The following STK33 variants were observed in gnomAD, a reference collection of about 807,000 sequenced individuals.
The protein encoded by STK33 is serine/threonine-protein kinase 33.
STK33 carries 52 observed loss-of-function variants against 58.0 expected under a neutral mutation model. The observed-to-expected ratio is 0.90, with a 90% CI of 0.72 to 1.13. The LOEUF (loss-of-function observed/expected upper bound fraction) is 1.13, where lower values mean the gene tolerates loss of function less well. STK33 is among the 50% of genes most tolerant of loss of function. The pLI is 0.00. For synonymous variants in STK33, 215 were observed against 200.1 expected, an observed-to-expected ratio of 1.07 and a Z score of -0.63; for missense variants, 630 against 604.2, an observed-to-expected ratio of 1.04 and a Z score of -0.45.
intron 1 of STK33, among the ~76,000 whole-genome samples, chr11:8,588,300 T>C (rs1471280360): frequency 6.6e-6 from 1 of 152,212 alleles, no homozygotes; most frequent in Non-Finnish European, 1.5e-5. Flanking sequence ...GCCAAAGTCC[T>C]GTTAGCAATA....
chr11:8,553,196 ATG>A (rs1565347392), intron 1 of STK33, among the ~76,000 whole-genome samples: 10 of 66,398 alleles, frequency 1.5e-4, no homozygotes, highest in African/African-American at 4.1e-4. Context: ...ATATATATAT[ATG>A]GTGTATATAT....
chr11:8,341,476 CT>C, the STK33 span, among the ~76,000 whole-genome samples: 1 of 152,250 alleles, frequency 6.6e-6, no homozygotes, highest in Non-Finnish European at 1.5e-5. Flanking sequence ...ATCTTCCCCA[CT>C]CAGTGGCTTC....
the STK33 span, among the ~76,000 whole-genome samples, chr11:8,370,375 T>C: frequency 4.9e-4 from 75 of 152,158 alleles, 1 homozygote; most frequent in African/African-American, 1.8e-3. Flanking sequence ...TTTCTTAATT[T>C]TGTGTAGAGA....
chr11:8,408,014 T>A (rs1939564932), intron 15 of STK33, among the ~76,000 whole-genome samples: 1 of 152,048 alleles, frequency 6.6e-6, no homozygotes, highest in South Asian at 2.1e-4. Flanking sequence ...GAAAAAATGA[T>A]CAAAAGTTAA....
the STK33 span, among the ~76,000 whole-genome samples, chr11:8,385,698 C>T: frequency 6.6e-6 from 1 of 152,144 alleles, no homozygotes; most frequent in Admixed American, 6.5e-5. Context: ...GTTTTATATC[C>T]AGCGCCTATC....
At chr11:8,384,480 C>T in the STK33 span, among the ~76,000 whole-genome samples, 1 of 152,212 alleles carries the variant, frequency 6.6e-6, no homozygotes, top group African/African-American at 2.4e-5. Context: ...GGCCTGCCCA[C>T]AGACATCCGG....
chr11:8,534,568 C>CTGTGTG (rs34999243), intron 1 of STK33, among the ~76,000 whole-genome samples: 35 of 104,732 alleles, frequency 3.3e-4, no homozygotes, highest in African/African-American at 1.1e-3. Flanking sequence ...CTCTCTCTCT[C>CTGTGTG]TGTGTGTGTG....
At chr11:8,436,625 G>C (rs968413801) in intron 12 of STK33, among the ~76,000 whole-genome samples, 12 of 152,110 alleles carry the variant, frequency 7.9e-5, no homozygotes, top group Admixed American at 5.2e-4. Context: ...GGCCACCTAA[G>C]GCTTTTATCC....
chr11:8,464,552 C>T (rs923809406), intron 7 of STK33, among the ~76,000 whole-genome samples, 157 bp downstream of exon 7: 6 of 151,944 alleles, frequency 3.9e-5, no homozygotes, highest in Non-Finnish European at 8.8e-5. Flanking sequence ...AGTCCCTTTC[C>T]GGGAGGCTAG....
intron 5 of STK33, among the ~76,000 whole-genome samples, chr11:8,474,246 C>A (rs949208633): frequency 1.1e-4 from 16 of 151,812 alleles, no homozygotes; most frequent in Admixed American, 9.8e-4. Flanking sequence ...GTAACTAATG[C>A]AAACTGATTT....
chr11:8,457,436 T>C lies in STK33; in HGVS notation c.602A>G (p.Lys201Arg), dbSNP rs371394045. The C allele has an allele frequency of 1.5e-5, 24 of 1,606,596 alleles. No individual in the cohort carries two copies. In the African/African-American group the frequency reaches 1.6e-4, roughly 11 times the overall value. Residue 201 changes from lysine to arginine, a missense_variant, in exon 9 of 16, where the codon AAA becomes AGA. Physicochemically the swap from Lys to Arg is conservative, Grantham distance 26 (BLOSUM62 2). Transcript: ENST00000687296. ...ATGCCCTTTCCTATCCAGAATTTCT[T>C]TGAGTTCTCCATCCTCACAAAGCTC... Reference protein sequence around the residue: ...VMELCEDGELKEILDRKGHFS... With the variant: ...VMELCEDGELREILDRKGHFS...
intron 1 of STK33, among the ~76,000 whole-genome samples, chr11:8,489,096 T>C (rs1312396435): frequency 6.6e-6 from 1 of 151,384 alleles, no homozygotes; most frequent in Admixed American, 6.6e-5. Flanking sequence ...CTATCTCTAG[T>C]AATGTAAAGA....
chr11:8,405,272 C>T lies in STK33; in HGVS notation c.1344+8223G>A, dbSNP rs117748897. ...GGACTTGTTAGTTTTTAATTTTGGC[C>T]GTTCTAGAAAGTATGTAGTGATATC... On this transcript the variant is annotated intron_variant, in intron 15 of 15. Coordinates refer to ENST00000687296, the MANE Select transcript of STK33 (RefSeq NM_001352389.2). Among the ~76,000 whole-genome samples, 72 of 152,228 alleles carry T rather than the reference C, an allele frequency of 4.7e-4. No individual in the cohort carries two copies. The East Asian group carries it at 8.9e-3, about 19-fold the overall frequency.
chr11:8,553,206 T>TC (rs1487218944), intron 1 of STK33, among the ~76,000 whole-genome samples: 1 of 96,734 alleles, frequency 1.0e-5, no homozygotes, highest in Non-Finnish European at 2.0e-5. Context: ...ATGGTGTATA[T>TC]ATATATATAT....
chr11:8,582,526 A>T (rs918002965), intron 1 of STK33, among the ~76,000 whole-genome samples: 4 of 152,146 alleles, frequency 2.6e-5, no homozygotes, highest in Non-Finnish European at 5.9e-5. Context: ...CACTTATGAA[A>T]CCATCAGATC....
chr11:8,483,303 T>C lies in STK33; in HGVS notation c.-465-2689A>G, dbSNP rs557273930. On this transcript the variant is annotated intron_variant, in intron 1 of 15. Transcript: ENST00000687296. The stretch of plus-strand genomic sequence containing the variant: ...GTTCCAGATGAATGGAAGGAGGTGG[T>C]TTCAATTTGAAGGCAAGAAAAATAG... Among the ~76,000 whole-genome samples the C allele has an allele frequency of 1.4e-4, 21 of 151,970 alleles. No homozygotes were observed. The South Asian group carries it at 4.0e-3, about 29-fold the overall frequency.
the STK33 span, among the ~76,000 whole-genome samples, chr11:8,354,497 C>CACACAG: frequency 6.6e-6 from 1 of 151,250 alleles, no homozygotes; most frequent in African/African-American, 2.4e-5. Context: ...CACACACACA[C>CACACAG]ACACACACAC....
the STK33 span, among the ~76,000 whole-genome samples, chr11:8,339,207 A>G: frequency 6.6e-6 from 1 of 152,270 alleles, no homozygotes; most frequent in South Asian, 2.1e-4. Flanking sequence ...GCTCCGAGGG[A>G]TTTATTAATG....
rs371163550 is a variant in STK33, at chr11:8,575,451, G to A, written c.-466+18632C>T. Among the ~76,000 whole-genome samples, 303 of 152,224 alleles carry A rather than the reference G, an allele frequency of 2.0e-3. 2 individuals are homozygous for A. The highest frequency in any genetic ancestry group is 6.9e-3 in the African/African-American group (288 of 41,528). On this transcript the variant is annotated intron_variant, in intron 1 of 15. Coordinates refer to ENST00000687296, the MANE Select transcript of STK33 (RefSeq NM_001352389.2). ...AAGGGAACAAGCTCTGATACAACAT[G>A]GATGAACCATGAAAACACTATGCTC...
Sources: gnomAD v4.1 joint callset for allele counts (sites outside exome capture counted in the v4.1 genomes callset) on GRCh38, gnomAD v4.1.1 for gene constraint, MANE v1.5 for transcripts, NCBI Gene and HGNC (gene_info 2026-07-23, HGNC 2026-07-21) for gene names.